Variants in TMEM132D observed in about 807,000 individuals in gnomAD.
The protein encoded by TMEM132D is mature OL transmembrane protein.
TMEM132D carries 21 observed loss-of-function variants against 62.3 expected under a neutral mutation model. The observed-to-expected ratio is 0.34, with a 90% CI of 0.24 to 0.49. The LOEUF (loss-of-function observed/expected upper bound fraction) is 0.49. Among genes scored for constraint, TMEM132D ranks in the 20% least tolerant of loss-of-function variants. TMEM132D has a pLI of 0.99. For missense variants in TMEM132D, 1,346 were observed against 1,402.8 expected (o/e 0.96, Z 0.65); for synonymous variants, 621 against 575.6 (o/e 1.08, Z -1.13).
At chr12:129,326,548 T>C (rs1868916957) in intron 4 of TMEM132D, among the ~76,000 whole-genome samples, 1 of 152,238 alleles carries the variant, frequency 6.6e-6, no homozygotes, top group South Asian at 2.1e-4. Flanking sequence ...TTATTGGAAC[T>C]GTTACACCCA....
At chr12:129,319,218 A>C (rs1177193967) in intron 4 of TMEM132D, among the ~76,000 whole-genome samples, 1 of 152,044 alleles carries the variant, frequency 6.6e-6, no homozygotes, top group Non-Finnish European at 1.5e-5. Flanking sequence ...CTCCCCATAG[A>C]TCCTTGTGGT....
At chr12:129,252,971 T>A (rs1331990886) in intron 4 of TMEM132D, among the ~76,000 whole-genome samples, 3 of 141,134 alleles carry the variant, frequency 2.1e-5, no homozygotes, top group Non-Finnish European at 4.5e-5. Context: ...AAGTTCTCAC[T>A]CATAGGTGGG....
chr12:129,431,230 G>A (rs1290811801), intron 3 of TMEM132D, among the ~76,000 whole-genome samples: 1 of 152,232 alleles, frequency 6.6e-6, no homozygotes, highest in Non-Finnish European at 1.5e-5. Context: ...CGGAGCTTCA[G>A]TAACTTACTC....
Position 129,277,040 on chromosome 12 carries a change from A to T in TMEM132D, c.1299+60594T>A, listed in dbSNP as rs147157331. ...AACCCAAGTCTTGGAGGAGATTCTA[A>T]GTCTGACCAAAGGCTAAGGCTTCCA... On this transcript the variant is annotated intron_variant, in intron 4 of 8. Transcript: ENST00000422113. This position sits in a 1 kb window ranked among gnomAD's most constrained non-coding sequence, Gnocchi z 4.2. Among the ~76,000 whole-genome samples the T allele has an allele frequency of 1.7e-4, 26 of 152,296 alleles. No homozygotes were observed. The highest frequency in any genetic ancestry group is 4.1e-4 in the South Asian group (2 of 4,822).
chr12:129,229,045 G>C (rs1259208242), intron 4 of TMEM132D, among the ~76,000 whole-genome samples: 2 of 152,150 alleles, frequency 1.3e-5, no homozygotes, highest in African/African-American at 4.8e-5. Context: ...GGATTCTCCG[G>C]GAGGGTCTGA....
At chr12:129,479,713 G>A (rs544970001) in intron 3 of TMEM132D, among the ~76,000 whole-genome samples, 1 of 152,340 alleles carries the variant, frequency 6.6e-6, no homozygotes, top group African/African-American at 2.4e-5. Flanking sequence ...GAGTTTAAGG[G>A]AGGAGTGAAG....
At chr12:129,892,743 T>C (rs889066320) in intron 1 of TMEM132D, among the ~76,000 whole-genome samples, 1 of 152,184 alleles carries the variant, frequency 6.6e-6, no homozygotes, top group Admixed American at 6.5e-5. Flanking sequence ...TTGGAGATGC[T>C]ACAATTTGTT....
chr12:129,625,402 T>C (rs1017931405), intron 2 of TMEM132D, among the ~76,000 whole-genome samples: 4 of 152,216 alleles, frequency 2.6e-5, no homozygotes, highest in Non-Finnish European at 5.9e-5. Context: ...TGTTCTTTCT[T>C]CCACCTTTGG....
intron 2 of TMEM132D, among the ~76,000 whole-genome samples, chr12:129,546,591 G>A (rs1876742454): frequency 6.6e-6 from 1 of 152,080 alleles, no homozygotes; most frequent in East Asian, 1.9e-4. Flanking sequence ...CACAAGGTCA[G>A]GAGTTCGAGA....
At chr12:129,437,754 T>A (rs1328807583) in intron 3 of TMEM132D, among the ~76,000 whole-genome samples, 2 of 152,038 alleles carry the variant, frequency 1.3e-5, no homozygotes, top group Non-Finnish European at 2.9e-5. Flanking sequence ...TTTTTTTAAA[T>A]TATACCTTAA....
intron 3 of TMEM132D, among the ~76,000 whole-genome samples, chr12:129,451,060 C>T (rs186759633): frequency 1.6e-3 from 247 of 152,256 alleles, no homozygotes; most frequent in Middle Eastern, 0.014. Context: ...CCGCGCCCGG[C>T]CAATTTTCAT....
intron 5 of TMEM132D, among the ~76,000 whole-genome samples, chr12:129,166,694 CACACACACACACACACACATAT>C: frequency 7.2e-6 from 1 of 139,268 alleles, no homozygotes; most frequent in African/African-American, 2.7e-5. Flanking sequence ...CACATACACA[CACACACACACACACACACATAT>C]ACACACACAC....
intron 5 of TMEM132D, among the ~76,000 whole-genome samples, chr12:129,099,306 A>C (rs1289392965): frequency 6.6e-6 from 1 of 152,184 alleles, no homozygotes; most frequent in Non-Finnish European, 1.5e-5. Flanking sequence ...CACACTGATT[A>C]ATTTTTATGC....
At chr12:129,724,558 T>G (rs987501235) in intron 1 of TMEM132D, among the ~76,000 whole-genome samples, 2 of 152,192 alleles carry the variant, frequency 1.3e-5, no homozygotes, top group African/African-American at 4.8e-5. Flanking sequence ...GTCTCGCTCT[T>G]GTCGCCCAGG....
In TMEM132D at chr12:129,285,485, C is replaced by T. The variant is rs57459551; in HGVS notation, c.1299+52149G>A. ...GAGGTTGCAGTGAGCCAAGATCATG[C>T]CATTGCACTGCAGCCTGGGTGACAG... is the stretch of plus-strand genomic sequence containing the variant. On this transcript the variant is annotated intron_variant, in intron 4 of 8. Coordinates refer to ENST00000422113, the MANE Select transcript of TMEM132D (RefSeq NM_133448.3). 6.5e-5 allele frequency among the ~76,000 whole-genome samples: 9 copies of T among 138,050 alleles called. No individual in the cohort carries two copies. The East Asian group carries it at 1.8e-3, about 27-fold the overall frequency. 90.6% of individuals were successfully genotyped at this position (138,050 alleles called of 152,430 possible).
chr12:129,807,924 A>G (rs568239971), intron 1 of TMEM132D, among the ~76,000 whole-genome samples: 1 of 152,334 alleles, frequency 6.6e-6, no homozygotes, highest in Admixed American at 6.5e-5. Flanking sequence ...GGTGCTGGTG[A>G]AAACTGAACA....
At chr12:129,745,174 C>T (rs1007157857) in intron 1 of TMEM132D, among the ~76,000 whole-genome samples, 13 of 152,184 alleles carry the variant, frequency 8.5e-5, no homozygotes, top group Admixed American at 7.9e-4. Context: ...AAAAATTACC[C>T]AGTCTTGGAT....
chr12:129,889,627 T>G (rs2137392846), intron 1 of TMEM132D, among the ~76,000 whole-genome samples: 1 of 152,372 alleles, frequency 6.6e-6, no homozygotes, highest in South Asian at 2.1e-4. Flanking sequence ...TTCCATTTAA[T>G]CCACAGTTTC....
chr12:129,113,532 A>T (rs144509808), intron 5 of TMEM132D, among the ~76,000 whole-genome samples: 2 of 152,358 alleles, frequency 1.3e-5, no homozygotes, highest in Non-Finnish European at 2.9e-5. Context: ...TGGGGGAAAA[A>T]TGACAATCAG....
Sources: gnomAD v4.1 joint callset for allele counts (sites outside exome capture counted in the v4.1 genomes callset) on GRCh38, gnomAD v4.1.1 for gene constraint, Gnocchi (gnomAD v3.1) non-coding constraint, MANE v1.5 for transcripts, NCBI Gene and HGNC (gene_info 2026-07-23, HGNC 2026-07-21) for gene names.